The following CHST9 variants were observed in gnomAD, a reference collection of about 807,000 sequenced individuals.
The protein encoded by CHST9 is GalNAc-4-sulfotransferase 2.
Under a neutral mutation model 44.4 loss-of-function variants are expected in CHST9, and 41 were observed. That is an observed-to-expected ratio of 0.92 (90% CI 0.72 to 1.20). CHST9 has a LOEUF of 1.20. Among genes scored for constraint, CHST9 ranks in the 50% most tolerant of loss-of-function variants. The pLI, the probability that CHST9 is intolerant of heterozygous loss-of-function variation, is 0.00. For missense variants in CHST9, 504 were observed against 516.5 expected (o/e 0.98, Z 0.23); for synonymous variants, 171 against 178.4 (o/e 0.96, Z 0.33).
intron 2 of CHST9, among the ~76,000 whole-genome samples, chr18:27,129,884 A>C (rs763520976): frequency 6.6e-6 from 1 of 152,012 alleles, no homozygotes; most frequent in African/African-American, 2.4e-5. Context: ...TCTAGTTGCT[A>C]AACTTCCTAA....
intron 2 of CHST9, among the ~76,000 whole-genome samples, chr18:27,099,163 C>A (rs2058146662): frequency 6.6e-6 from 1 of 152,098 alleles, no homozygotes; most frequent in East Asian, 1.9e-4. Flanking sequence ...TGGATTCCTA[C>A]CTGTCACCAT....
At chr18:27,159,078 T>C (rs926074579) in intron 1 of CHST9, among the ~76,000 whole-genome samples, 99 of 152,194 alleles carry the variant, frequency 6.5e-4, no homozygotes, top group Non-Finnish European at 9.8e-4. Context: ...ACTCTGATGG[T>C]AGTTTCTTTT....
chr18:27,064,269 G>GAA (rs11388117), intron 2 of CHST9, among the ~76,000 whole-genome samples: 38 of 147,462 alleles, frequency 2.6e-4, no homozygotes, highest in South Asian at 4.3e-4. Flanking sequence ...GCCTTACAGC[G>GAA]AAAAAAAAAA....
rs2055438198 is a variant in CHST9, at chr18:26,911,401, A to G, written c.*4858T>C. ...AAATTAACGAACCTCCCTGACAAAA[A>G]AAATCGAGGAAAGGAATGCCTGCAT... On this transcript the variant is annotated 3_prime_UTR_variant, in exon 6 of 6. Coordinates refer to ENST00000618847, the MANE Select transcript of CHST9 (RefSeq NM_031422.6). 6.6e-6 allele frequency: 1 copy of G among 152,220 alleles called. No individual in the cohort carries two copies. The highest frequency in any genetic ancestry group is 2.4e-5 in the African/African-American group (1 of 41,452). 9.4% of individuals were successfully genotyped at this position (152,220 alleles called of 1,614,324 possible). A position where few individuals can be genotyped will look rare whatever the true frequency, so the allele number is the denominator to read the frequency against.
At chr18:27,039,168 G>A (rs1379245171) in intron 3 of CHST9, among the ~76,000 whole-genome samples, 1 of 152,058 alleles carries the variant, frequency 6.6e-6, no homozygotes, top group Non-Finnish European at 1.5e-5. Flanking sequence ...TATTTCTGGG[G>A]TATATACCAA....
chr18:27,100,481 A>T (rs2058160185), intron 2 of CHST9, among the ~76,000 whole-genome samples: 1 of 152,148 alleles, frequency 6.6e-6, no homozygotes, highest in South Asian at 2.1e-4. Flanking sequence ...AAAAACACAC[A>T]CCTATGGAAG....
chr18:27,100,753 A>G (rs932121411), intron 2 of CHST9, among the ~76,000 whole-genome samples: 4 of 152,258 alleles, frequency 2.6e-5, no homozygotes, highest in African/African-American at 9.6e-5. Flanking sequence ...CAAATAAATC[A>G]TAATATGATA....
At chr18:26,932,557 G>T (rs1032302936) in intron 5 of CHST9, among the ~76,000 whole-genome samples, 1 of 152,116 alleles carries the variant, frequency 6.6e-6, no homozygotes, top group African/African-American at 2.4e-5. Flanking sequence ...GGGTGAAGGG[G>T]GGCAAGCTGA....
chr18:27,081,786 G>A (rs2057963353), intron 2 of CHST9, among the ~76,000 whole-genome samples: 1 of 152,324 alleles, frequency 6.6e-6, no homozygotes, highest in Non-Finnish European at 1.5e-5. Flanking sequence ...GGCATAGCCA[G>A]AAGCTCAAAG....
At chr18:26,978,985 G>T (rs746121305) in intron 4 of CHST9, among the ~76,000 whole-genome samples, 6 of 151,380 alleles carry the variant, frequency 4.0e-5, no homozygotes, top group African/African-American at 1.2e-4. Flanking sequence ...GGTTTTTGTG[G>T]TTTTTGTTGT....
chr18:27,092,170 G>C (rs2058075391), intron 2 of CHST9, among the ~76,000 whole-genome samples: 1 of 152,136 alleles, frequency 6.6e-6, no homozygotes, highest in Non-Finnish European at 1.5e-5. Context: ...GTTTAGTCTT[G>C]GGAGGGTGTA....
intron 2 of CHST9, among the ~76,000 whole-genome samples, chr18:27,089,122 T>C (rs1347391290): frequency 1.3e-5 from 2 of 152,148 alleles, no homozygotes; most frequent in Admixed American, 1.3e-4. Flanking sequence ...ATTTTCTTCC[T>C]CTTTTTCTCT....
intron 2 of CHST9, among the ~76,000 whole-genome samples, chr18:27,118,253 T>A (rs1207334443): frequency 2.6e-5 from 4 of 152,246 alleles, no homozygotes; most frequent in African/African-American, 9.6e-5. Context: ...ATTTTCTTAT[T>A]GTTGAGCTTC....
At chr18:26,922,506 G>A (rs1241147583) in intron 5 of CHST9, among the ~76,000 whole-genome samples, 3 of 152,144 alleles carry the variant, frequency 2.0e-5, no homozygotes, top group Non-Finnish European at 2.9e-5. Flanking sequence ...AGTAGATATT[G>A]CAGAGTTAGC....
At chr18:27,114,780 CT>C (rs1321598568) in intron 2 of CHST9, among the ~76,000 whole-genome samples, 8 of 152,160 alleles carry the variant, frequency 5.3e-5, no homozygotes, top group Admixed American at 3.3e-4. Flanking sequence ...TCTATCAGTA[CT>C]TTTTTATGGC....
intron 3 of CHST9, among the ~76,000 whole-genome samples, chr18:27,037,748 C>A (rs2057404098): frequency 6.6e-6 from 1 of 151,858 alleles, no homozygotes; most frequent in South Asian, 2.1e-4. Flanking sequence ...TGATTGGAGA[C>A]ACCTGTTTGC....
intron 3 of CHST9, among the ~76,000 whole-genome samples, chr18:27,027,745 T>A (rs2057298130): frequency 6.6e-6 from 1 of 152,218 alleles, no homozygotes; most frequent in African/African-American, 2.4e-5. Flanking sequence ...TTTTCTTACA[T>A]AAACTACACC....
chr18:27,106,460 T>A (rs1171140599), intron 2 of CHST9, among the ~76,000 whole-genome samples: 2 of 152,208 alleles, frequency 1.3e-5, no homozygotes, highest in Non-Finnish European at 2.9e-5. Flanking sequence ...TCCTATTTTG[T>A]TGTAATTGTT....
intron 4 of CHST9, among the ~76,000 whole-genome samples, chr18:26,957,201 A>C (rs933654699): frequency 6.6e-6 from 1 of 152,200 alleles, no homozygotes; most frequent in Non-Finnish European, 1.5e-5. Flanking sequence ...TGAAACACTG[A>C]GAATAAAAAG....
Sources: gnomAD v4.1 joint callset for allele counts (sites outside exome capture counted in the v4.1 genomes callset) on GRCh38, gnomAD v4.1.1 for gene constraint, MANE v1.5 for transcripts, NCBI Gene and HGNC (gene_info 2026-07-23, HGNC 2026-07-21) for gene names.